The following SGCD variants were observed in gnomAD, a reference collection of about 807,000 sequenced individuals.
SGCD encodes sarcoglycan delta.
In SGCD, 18 loss-of-function variants were observed where a neutral mutation model predicts 36.6. That is an observed-to-expected ratio of 0.49 (90% CI 0.34 to 0.73). The LOEUF (loss-of-function observed/expected upper bound fraction) is 0.73. Ranked by LOEUF, SGCD falls within the 30% of genes least tolerant of loss-of-function variation. The pLI, the probability that SGCD is intolerant of heterozygous loss-of-function variation, is 0.01. For synonymous variants in SGCD, 133 were observed against 130.6 expected, an observed-to-expected ratio of 1.02 and a Z score of -0.12; for missense variants, 387 against 346.7, an observed-to-expected ratio of 1.12 and a Z score of -0.92.
At chr5:156,128,680 G>A (rs32338) in intron 3 of SGCD, among the ~76,000 whole-genome samples, 88,203 of 151,896 alleles carry the variant, frequency 0.58, 28,142 homozygotes, top group African/African-American at 0.87. Flanking sequence ...GATGGTTTAA[G>A]AGTGTTTGGC....
the SGCD span, among the ~76,000 whole-genome samples, chr5:155,839,500 C>CT: frequency 6.6e-6 from 1 of 152,136 alleles, no homozygotes; most frequent in Non-Finnish European, 1.5e-5. Flanking sequence ...CCAGGCTTAA[C>CT]TTTCGCTTTG....
At chr5:156,208,273 A>G (rs1561565739) in intron 3 of SGCD, among the ~76,000 whole-genome samples, 3 of 152,238 alleles carry the variant, frequency 2.0e-5, no homozygotes, top group Non-Finnish European at 2.9e-5. Context: ...TCAAGTAAGC[A>G]GTACAAATCA....
chr5:156,629,714 C>T (rs572530581), intron 6 of SGCD, among the ~76,000 whole-genome samples: 1 of 152,264 alleles, frequency 6.6e-6, no homozygotes, highest in South Asian at 2.1e-4. Flanking sequence ...AGTGGGAAAG[C>T]AGCCATAAAC....
intron 1 of SGCD, among the ~76,000 whole-genome samples, chr5:156,083,751 T>TAA (rs1206726218): frequency 6.6e-6 from 1 of 152,140 alleles, no homozygotes; most frequent in Non-Finnish European, 1.5e-5. Context: ...AGTTTTTGTG[T>TAA]AAAGTGTGAG....
intron 4 of SGCD, among the ~76,000 whole-genome samples, chr5:156,524,712 G>A (rs1383970883): frequency 6.6e-6 from 1 of 151,908 alleles, no homozygotes; most frequent in South Asian, 2.1e-4. Context: ...ATAAATGAAA[G>A]TGTGTACTCT....
chr5:155,781,629 T>C, the SGCD span, among the ~76,000 whole-genome samples: 16 of 151,916 alleles, frequency 1.1e-4, no homozygotes, highest in Admixed American at 9.2e-4. Flanking sequence ...GCCTGGCTAA[T>C]TTTTTTGTTT....
intron 7 of SGCD, among the ~76,000 whole-genome samples, chr5:156,692,278 G>A (rs932306354): frequency 8.5e-5 from 13 of 152,168 alleles, no homozygotes; most frequent in African/African-American, 3.1e-4. Flanking sequence ...TCAATTGACA[G>A]TAGTTGCCTG....
intron 1 of SGCD, among the ~76,000 whole-genome samples, chr5:155,918,048 A>G (rs1756792533): frequency 6.6e-6 from 1 of 152,190 alleles, no homozygotes; most frequent in Non-Finnish European, 1.5e-5. Context: ...TGCCTCGGGA[A>G]ATTTGCTGGA....
intron 1 of SGCD, among the ~76,000 whole-genome samples, chr5:155,968,129 C>A (rs1757938333): frequency 6.6e-6 from 1 of 152,032 alleles, no homozygotes; most frequent in African/African-American, 2.4e-5. Context: ...ATCACTTTCT[C>A]AGAATTAAGC....
chr5:155,975,607 T>TC (rs200311798), intron 1 of SGCD, among the ~76,000 whole-genome samples: 8 of 129,092 alleles, frequency 6.2e-5, no homozygotes, highest in African/African-American at 8.9e-5. Context: ...TTTCTTTCTT[T>TC]CCTTTTTTTT....
chr5:155,799,994 T>C, the SGCD span, among the ~76,000 whole-genome samples: 3 of 151,688 alleles, frequency 2.0e-5, no homozygotes, highest in South Asian at 6.3e-4. Context: ...AGTTTTTGTA[T>C]TTTTAGTAGA....
chr5:156,113,964 A>G (rs1761850991), intron 1 of SGCD, among the ~76,000 whole-genome samples: 2 of 152,152 alleles, frequency 1.3e-5, no homozygotes. Flanking sequence ...AAAGAAAAAA[A>G]CTTTGGAGAT....
At chr5:155,917,015 A>G (rs947885262) in intron 1 of SGCD, among the ~76,000 whole-genome samples, 1 of 152,188 alleles carries the variant, frequency 6.6e-6, no homozygotes, top group Non-Finnish European at 1.5e-5. Context: ...CTATCTCGTT[A>G]AAAAATACAT....
intron 1 of SGCD, among the ~76,000 whole-genome samples, chr5:155,910,806 A>C (rs1221530934): frequency 6.6e-6 from 1 of 152,184 alleles, no homozygotes; most frequent in Non-Finnish European, 1.5e-5. Context: ...GTGCATTGTC[A>C]AAGTGGAAGA....
chr5:156,615,481 C>CT (rs985582681), intron 6 of SGCD, among the ~76,000 whole-genome samples: 7 of 151,522 alleles, frequency 4.6e-5, no homozygotes, highest in South Asian at 2.1e-4. Flanking sequence ...TGATGCTTAA[C>CT]TTTTTTTTTA....
chr5:156,657,484 G>A (rs1352625143), intron 7 of SGCD, among the ~76,000 whole-genome samples: 2 of 149,090 alleles, frequency 1.3e-5, no homozygotes, highest in Non-Finnish European at 3.0e-5. Flanking sequence ...GTTGAGGCCA[G>A]GTGTGGGGTG....
intron 3 of SGCD, among the ~76,000 whole-genome samples, chr5:156,444,051 AC>A (rs1753621077): frequency 8.3e-6 from 1 of 120,798 alleles, no homozygotes; most frequent in East Asian, 2.5e-4. Context: ...CGCTTTGGAG[AC>A]TCTTTCTCTC....
At chr5:156,743,403 C>T (rs571963317) in intron 7 of SGCD, among the ~76,000 whole-genome samples, 85 of 152,192 alleles carry the variant, frequency 5.6e-4, no homozygotes, top group Non-Finnish European at 1.1e-3. Context: ...TGAACCACCG[C>T]GCCCAGCCTT....
At chr5:156,559,165 A>G (rs1419929201) in intron 4 of SGCD, among the ~76,000 whole-genome samples, 1 of 152,138 alleles carries the variant, frequency 6.6e-6, no homozygotes, top group Non-Finnish European at 1.5e-5. Flanking sequence ...CAGGTGGTTG[A>G]TATGGGTTTC....
Sources: allele counts gnomAD v4.1 joint callset (sites outside exome capture counted in the v4.1 genomes callset), GRCh38; gene constraint gnomAD v4.1.1; transcripts MANE v1.5; gene names NCBI Gene and HGNC (gene_info 2026-07-23, HGNC 2026-07-21).